Variants in RNF139 observed in about 807,000 individuals in gnomAD.
RNF139 encodes ring finger protein 139.
A neutral mutation model predicts 49.5 loss-of-function variants in RNF139; 15 were observed. That is an observed-to-expected ratio of 0.30 (90% CI 0.20 to 0.47). The LOEUF is 0.47. Among genes scored for constraint, RNF139 ranks in the 20% least tolerant of loss-of-function variants. The probability of loss-of-function intolerance (pLI) is 1.00; values close to 1 mark genes in which losing one functional copy is unlikely to be tolerated. For missense variants in RNF139, 619 were observed against 806.3 expected (o/e 0.77, Z 2.81); for synonymous variants, 325 against 300.9 (o/e 1.08, Z -0.83).
Position 124,487,738 on chromosome 8 carries a change from C to T in RNF139, c.*94C>T. 3 of 1,233,438 alleles carry T rather than the reference C, an allele frequency of 2.4e-6. No individual in the cohort carries two copies. Among genetic ancestry groups the T allele is most frequent in the Non-Finnish European group, 2.2e-6 (2 of 899,292 alleles). The allele number at this position is 1,233,438 out of a possible 1,614,324, so 76.4% of individuals were successfully genotyped here. A position where few individuals can be genotyped will look rare whatever the true frequency, so the allele number is the denominator to read the frequency against. On this transcript the variant is annotated 3_prime_UTR_variant, in exon 2 of 2. Coordinates refer to ENST00000303545, the MANE Select transcript of RNF139 (RefSeq NM_007218.4). ...CCTTCACCTTCAGTGTGTAACCAAG[C>T]ACAAAAACAGTATCAATGTTGAATC...
rs983604824 is a variant in RNF139 at position 124,475,262 on chromosome 8, C to G, written c.153C>G (p.Ile51Met). Residue 51 changes from isoleucine to methionine, a missense_variant, in exon 1 of 2, where the codon ATC (isoleucine) becomes ATG (methionine). By Grantham distance (10) the Ile-to-Met change is conservative. This residue lies in a region of RNF139 where 89 missense variants were observed against 77.5 expected (regional missense o/e 1.15). Coordinates refer to ENST00000303545, the MANE Select transcript of RNF139 (RefSeq NM_007218.4). ...YPDSSQSRFCIVLQIFLRLFG... is the reference protein window; with the variant it reads ...YPDSSQSRFCMVLQIFLRLFG... ...ATTCCAGCCAAAGCCGGTTCTGCAT[C>G]GTGCTCCAGATCTTCCTCCGGCTCT... 6.2e-7 allele frequency: 1 copy of G among 1,613,424 alleles called. No homozygotes were observed. Among genetic ancestry groups the G allele is most frequent in the Non-Finnish European group, 8.5e-7 (1 of 1,179,650 alleles).
At chr8:124,483,045 A>AT (rs1249780906) in intron 1 of RNF139, among the ~76,000 whole-genome samples, 1 of 56,898 alleles carries the variant, frequency 1.8e-5, no homozygotes, top group Non-Finnish European at 3.0e-5. Context: ...ATATATTTAA[A>AT]AATATATCTA....
At chr8:124,482,956 A>AT (rs1563631008) in intron 1 of RNF139, among the ~76,000 whole-genome samples, 7 of 95,578 alleles carry the variant, frequency 7.3e-5, no homozygotes, top group African/African-American at 2.6e-4. Flanking sequence ...ATATATATAT[A>AT]TAATATATAT....
rs1334228025 is a variant in RNF139 at position 124,487,345 on chromosome 8, T to C, written c.1696T>C (p.Tyr566His). ...TGCTCGTATTACACCGTGTAATCATTATTTCCATGCACTTTGCCTTCGGAA... is the reference window on the plus strand; with the variant it reads ...TGCTCGTATTACACCGTGTAATCATCATTTCCATGCACTTTGCCTTCGGAA... The part of the protein sequence containing the change: ...TSARITPCNH[Y>H]FHALCLRKWL... Residue 566 changes from tyrosine (Y) to histidine (H), a missense_variant, in exon 2 of 2, where the codon TAT (tyrosine) becomes CAT (histidine). Tyr to His is a moderately conservative substitution (Grantham distance 83). This residue lies in a region of RNF139 where 530 missense variants were observed against 728.9 expected (regional missense o/e 0.73). Transcript: ENST00000303545. 1.2e-6 allele frequency: 2 copies of C among 1,614,138 alleles called. No homozygotes were observed. The highest frequency in any genetic ancestry group is 1.7e-5 in the Admixed American group (1 of 60,030).
chr8:124,480,520 A>G (rs1816390881), intron 1 of RNF139, among the ~76,000 whole-genome samples: 1 of 152,166 alleles, frequency 6.6e-6, no homozygotes, highest in East Asian at 1.9e-4. Flanking sequence ...AATTAACCCG[A>G]TGGAAGGAGA....
In RNF139 at chr8:124,487,167, T is replaced by C; in HGVS notation, c.1518T>C (p.Phe506=). The C allele has an allele frequency of 1.9e-6, 3 of 1,614,026 alleles. No homozygotes were observed. The highest frequency in any genetic ancestry group is 2.5e-6 in the Non-Finnish European group (3 of 1,180,010). ...RAFMMCLHAY[F]NIYLQAKNGW... The stretch of plus-strand genomic sequence containing the variant: ...TTATGATGTGCCTACATGCATATTT[T>C]AACATCTACTTACAAGCCAAAAATG... The change falls in exon 2 of 2, where the codon TTT becomes TTC. Residue 506 remains phenylalanine, a synonymous_variant. Transcript: ENST00000303545.
At chr8:124,477,661 A>C (rs747691255) in intron 1 of RNF139, among the ~76,000 whole-genome samples, 4 of 152,206 alleles carry the variant, frequency 2.6e-5, no homozygotes, top group Non-Finnish European at 5.9e-5. Flanking sequence ...TGGAGATCCA[A>C]ATAAAATTCT....
intron 1 of RNF139, among the ~76,000 whole-genome samples, chr8:124,481,134 A>G (rs1816400655): frequency 1.3e-5 from 2 of 152,214 alleles, no homozygotes; most frequent in Non-Finnish European, 2.9e-5. Flanking sequence ...TGAGAATCCA[A>G]TAGAAATGTT....
intron 1 of RNF139, among the ~76,000 whole-genome samples, chr8:124,478,821 G>C (rs1816355028): frequency 6.6e-6 from 1 of 151,128 alleles, no homozygotes; most frequent in Non-Finnish European, 1.5e-5. Flanking sequence ...CCAGGTTCGG[G>C]CGATTCTCCG....
At chr8:124,478,184 T>G (rs1009413972) in intron 1 of RNF139, among the ~76,000 whole-genome samples, 2 of 151,470 alleles carry the variant, frequency 1.3e-5, no homozygotes, top group Non-Finnish European at 2.9e-5. Context: ...TATACTCCCT[T>G]AGGAAAATGC....
rs1306461058 is a variant in RNF139 at position 124,487,554 on chromosome 8, A to G, written c.1905A>G (p.Thr635=). Reference sequence around the variant, plus strand: ...GGGAATTGAACGAAGATGACAGTACAGATTGTGATGATGATGTTCAAAGAG... The same window carrying G: ...GGGAATTGAACGAAGATGACAGTACGGATTGTGATGATGATGTTCAAAGAG... The part of the protein sequence containing the change: ...SDRELNEDDS[T]DCDDDVQRER... The change falls in exon 2 of 2, where the codon ACA becomes ACG. Residue 635 remains threonine (T), a synonymous_variant. Coordinates refer to ENST00000303545, the MANE Select transcript of RNF139 (RefSeq NM_007218.4). 2 of 1,614,170 alleles carry G rather than the reference A, an allele frequency of 1.2e-6. No homozygotes were observed. The highest frequency in any genetic ancestry group is 8.5e-7 in the Non-Finnish European group (1 of 1,179,994).
At chr8:124,483,089 A>G in intron 1 of RNF139, among the ~76,000 whole-genome samples, 1 of 14,510 alleles carries the variant, frequency 6.9e-5, no homozygotes, top group Admixed American at 1.0e-3. Context: ...AAATATATAT[A>G]TATTTAAAAA....
At chr8:124,476,845 A>T (rs1816324089) in intron 1 of RNF139, among the ~76,000 whole-genome samples, 1 of 152,218 alleles carries the variant, frequency 6.6e-6, no homozygotes, top group South Asian at 2.1e-4. Flanking sequence ...AGGCAGCTTC[A>T]AGGAAAAGAA....
chr8:124,481,252 T>G (rs1479024421), intron 1 of RNF139, among the ~76,000 whole-genome samples: 1 of 152,180 alleles, frequency 6.6e-6, no homozygotes, highest in Non-Finnish European at 1.5e-5. Flanking sequence ...TAGTAACATT[T>G]ATTTCTGTGC....
In RNF139 at chr8:124,487,430, A is replaced by G. The variant is rs377572235; in HGVS notation, c.1781A>G (p.Asp594Gly). Residue 594 changes from aspartate (D) to glycine (G), a missense_variant, in exon 2 of 2, where the codon GAT (aspartate) becomes GGT (glycine). Transcript: ENST00000303545. ...CATCAGAAAGTATACATCGAAGATG[A>G]TATCAAGGATAATTCAAATGTATCT... ...MCHQKVYIED[D>G]IKDNSNVSNN... is the part of the protein sequence containing the mutation. The G allele has an allele frequency of 3.1e-6, 5 of 1,614,020 alleles. No individual in the cohort carries two copies. Among genetic ancestry groups the G allele is most frequent in the African/African-American group, 2.7e-5 (2 of 74,928 alleles).
rs1451431110 is a variant in RNF139 at position 124,487,752 on chromosome 8, C to T, written c.*108C>T. 9.3e-6 allele frequency: 10 copies of T among 1,080,768 alleles called. No individual in the cohort carries two copies. The highest frequency in any genetic ancestry group is 1.3e-5 in the Non-Finnish European group (10 of 766,880). 66.9% of individuals were successfully genotyped at this position (1,080,768 alleles called of 1,614,324 possible). A position where few individuals can be genotyped will look rare whatever the true frequency, so the allele number is the denominator to read the frequency against. Reference sequence around the variant, plus strand: ...GTGTAACCAAGCACAAAAACAGTATCAATGTTGAATCTGTGAATGGTTTTC... The same window carrying T: ...GTGTAACCAAGCACAAAAACAGTATTAATGTTGAATCTGTGAATGGTTTTC... On this transcript the variant is annotated 3_prime_UTR_variant, in exon 2 of 2. Coordinates refer to ENST00000303545, the MANE Select transcript of RNF139 (RefSeq NM_007218.4).
rs1816568537 is a variant in RNF139, at chr8:124,487,856, AC to A, written c.*213del. 1 of 479,958 alleles carries A rather than the reference AC, an allele frequency of 2.1e-6. No individual in the cohort carries two copies. The highest frequency in any genetic ancestry group is 4.2e-5 in the South Asian group (1 of 23,710). The allele number at this position is 479,958 out of a possible 1,614,324, so 29.7% of individuals were successfully genotyped here. On this transcript the variant is annotated 3_prime_UTR_variant, in exon 2 of 2. Coordinates refer to ENST00000303545, the MANE Select transcript of RNF139 (RefSeq NM_007218.4). Reference sequence around the variant, plus strand: ...TTTGGTGACCTGTTTAAATTTGTGTACATTATTGTACATAGAATAAAATGTT... The same window carrying A: ...TTTGGTGACCTGTTTAAATTTGTGTAATTATTGTACATAGAATAAAATGTT...
At position 124,487,806 on chromosome 8, in the gene RNF139, TAC is replaced by T. The variant is rs1816567403; in HGVS notation, c.*163_*164del. ...TTACTGTGATGTGCTACTGTAAATA[TAC>T]CTCTTTAATTACTTCTGGTCTCTTT... On this transcript the variant is annotated 3_prime_UTR_variant, in exon 2 of 2. Transcript: ENST00000303545. 1 of 637,138 alleles carries T rather than the reference TAC, an allele frequency of 1.6e-6. No homozygotes were observed. Among genetic ancestry groups the T allele is most frequent in the Non-Finnish European group, 2.6e-6 (1 of 381,132 alleles). 39.5% of individuals were successfully genotyped at this position (637,138 alleles called of 1,614,324 possible).
At chr8:124,485,197 C>T (rs1171573151) in intron 1 of RNF139, among the ~76,000 whole-genome samples, 1 of 152,130 alleles carries the variant, frequency 6.6e-6, no homozygotes, top group Admixed American at 6.5e-5. Context: ...AACCCCGTCT[C>T]TACTAAAAAT....
Sources: gnomAD v4.1 joint callset for allele counts (sites outside exome capture counted in the v4.1 genomes callset) on GRCh38, gnomAD v4.1.1 for gene constraint, gnomAD v4.1.1 regional missense constraint, MANE v1.5 for transcripts, NCBI Gene and HGNC (gene_info 2026-07-23, HGNC 2026-07-21) for gene names.